SH2B1: variants seen among roughly 807,000 people sequenced by gnomAD.
SH2B1 encodes the protein SH2B adaptor protein 1, also known as SH2B adapter protein 1.
In SH2B1, 15 loss-of-function variants were observed where a neutral mutation model predicts 62.6. That is an observed-to-expected ratio of 0.24 (90% CI 0.16 to 0.37). SH2B1 has a LOEUF of 0.37. Ranked by LOEUF, SH2B1 falls within the 10% of genes least tolerant of loss-of-function variation. SH2B1 has a pLI of 1.00. For missense variants in SH2B1, 925 were observed against 1,015.6 expected (o/e 0.91, Z 1.21); for synonymous variants, 443 against 438.0 (o/e 1.01, Z -0.14).
chr16:28,860,085 C>A (rs1316244190), upstream of SH2B1, among the ~76,000 whole-genome samples: 2 of 152,024 alleles, frequency 1.3e-5, no homozygotes, highest in African/African-American at 2.4e-5. Context: ...TCTACTGATT[C>A]CTTTCCCCTT....
At chr16:28,852,323 TATA>T (rs1567458239) in intron 1 of SH2B1, among the ~76,000 whole-genome samples, 10 of 81,596 alleles carry the variant, frequency 1.2e-4, no homozygotes, top group African/African-American at 5.0e-4. Flanking sequence ...TTTACATATA[TATA>T]TTTACATATA....
At chr16:28,848,309 G>A (rs549124492) in intron 1 of SH2B1, among the ~76,000 whole-genome samples, 1 of 152,062 alleles carries the variant, frequency 6.6e-6, no homozygotes, top group African/African-American at 2.4e-5. Context: ...GTGGCAGTGT[G>A]CACCTGTAGT....
intron 2 of SH2B1, among the ~76,000 whole-genome samples, chr16:28,867,845 T>C (rs1159528578): frequency 6.6e-6 from 1 of 152,152 alleles, no homozygotes; most frequent in Non-Finnish European, 1.5e-5. Context: ...TTACTTACAT[T>C]TGAGATAGAG....
intron 4 of SH2B1, among the ~76,000 whole-genome samples, chr16:28,869,692 G>C (rs1022091376): frequency 6.6e-5 from 10 of 152,166 alleles, no homozygotes; most frequent in Non-Finnish European, 1.5e-4. Context: ...TTTTCTCCAA[G>C]CTTCTGGAAC....
Position 28,872,851 on chromosome 16 carries a change from C to A in SH2B1, c.1897+146C>A, listed in dbSNP as rs116553275. On this transcript the variant is annotated intron_variant, in intron 7 of 7. Transcript: ENST00000684370. The surrounding 1 kb of genome is among the most constrained non-coding windows in gnomAD (Gnocchi z 5.3). ...CAGGGTAGAGGAGGCTGTTGTGCCT[C>A]GGGGTTTGGAAGGGAAAGAAATGCG... is the stretch of plus-strand genomic sequence containing the variant. 2,208 of 1,123,208 alleles carry A rather than the reference C, an allele frequency of 2.0e-3. 30 individuals carry two copies. The African/African-American group carries it at 0.029, about 15-fold the overall frequency. 69.6% of individuals were successfully genotyped at this position (1,123,208 alleles called of 1,614,324 possible).
At chr16:28,848,316 T>C (rs141725580) in intron 1 of SH2B1, among the ~76,000 whole-genome samples, 349 of 152,094 alleles carry the variant, frequency 2.3e-3, no homozygotes, top group South Asian at 7.7e-3. Context: ...TGTGCACCTG[T>C]AGTACCAGCT....
upstream of SH2B1, among the ~76,000 whole-genome samples, chr16:28,861,463 C>T (rs1461599983): frequency 1.3e-5 from 2 of 150,242 alleles, no homozygotes; most frequent in African/African-American, 2.5e-5. Context: ...GACGGAGTCT[C>T]GCTCTGTCGC....
At chr16:28,846,915 A>C (rs1222557789) in intron 1 of SH2B1, 2 of 154,906 alleles carry the variant, frequency 1.3e-5, no homozygotes, top group Non-Finnish European at 2.9e-5. Context: ...AATCTGTAAA[A>C]TGGGAATAGT....
chr16:28,871,536 A>C (rs1389985284), intron 4 of SH2B1, among the ~76,000 whole-genome samples: 1 of 152,234 alleles, frequency 6.6e-6, no homozygotes, highest in Non-Finnish European at 1.5e-5. Context: ...GTTGATTCAG[A>C]AAAAGATGGA....
At chr16:28,869,119 G>T (rs376080955) in intron 3 of SH2B1, 22 bp downstream of exon 3, 2 of 1,613,506 alleles carry the variant, frequency 1.2e-6, no homozygotes, top group African/African-American at 2.7e-5. Context: ...GACTTCTGTC[G>T]CTAAGGGACA....
rs1567458739 is a variant in SH2B1, at chr16:28,852,527, TATAC to T, written c.-301+5702_-301+5705del. Among the ~76,000 whole-genome samples the T allele has an allele frequency of 7.0e-4, 36 of 51,330 alleles. 13 individuals carry two copies. In the East Asian group the frequency reaches 0.011, roughly 16 times the overall value. 33.7% of individuals were successfully genotyped at this position (51,330 alleles called of 152,430 possible). On this transcript the variant is annotated intron_variant, in intron 1 of 10. Coordinates refer to the SH2B1 transcript ENST00000322610. Reference sequence around the variant, plus strand: ...ATATATATACACATATATTTATATATATACACATATATTTATATATATACACATA... The same window carrying T: ...ATATATATACACATATATTTATATATACATATATTTATATATATACACATA...
At position 28,870,994 on chromosome 16, in the gene SH2B1, CGTGTGT is replaced by C. The variant is rs35079060; in HGVS notation, c.1310-753_1310-748del. ...GAGCCACTGTGTGCAGCCAGAATTC[CGTGTGT>C]GTGTGTGTGTGTGTGTGTGTGTGTG... On this transcript the variant is annotated intron_variant, in intron 4 of 7. Coordinates refer to ENST00000684370, the MANE Select transcript of SH2B1 (RefSeq NM_001387430.1). Among the ~76,000 whole-genome samples the C allele has an allele frequency of 3.1e-3, 434 of 141,526 alleles. 7 individuals carry two copies. The highest frequency in any genetic ancestry group is 9.6e-3 in the African/African-American group (369 of 38,278). The allele number at this position is 141,526 out of a possible 152,430, so 92.8% of individuals were successfully genotyped here. A position where few individuals can be genotyped will look rare whatever the true frequency, so the allele number is the denominator to read the frequency against.
At chr16:28,869,125 G>GGACATAGA (rs1225564172) in intron 3 of SH2B1, 28 bp downstream of exon 3, 1 of 1,613,314 alleles carries the variant, frequency 6.2e-7, no homozygotes, top group Non-Finnish European at 8.5e-7. Flanking sequence ...TGTCGCTAAG[G>GGACATAGA]GACATAGAGT....
At position 28,863,924 on chromosome 16, in the gene SH2B1, AACCTCGGGGACC is replaced by A; in HGVS notation, c.-2170_-2159del. 6.7e-7 allele frequency: 1 copy of A among 1,486,170 alleles called. No homozygotes were observed. The highest frequency in any genetic ancestry group is 8.9e-7 in the Non-Finnish European group (1 of 1,124,866). The allele number at this position is 1,486,170 out of a possible 1,614,324, so 92.1% of individuals were successfully genotyped here. A position where few individuals can be genotyped will look rare whatever the true frequency, so the allele number is the denominator to read the frequency against. On this transcript the variant is annotated 5_prime_UTR_variant, in exon 1 of 8. Transcript: ENST00000684370. ...CGCCGCCGCCGCCGCCGCCGGAGCT[AACCTCGGGGACC>A]GAGATGCAGGTGGGACCGGAACCGG...
intron 1 of SH2B1, among the ~76,000 whole-genome samples, chr16:28,848,342 G>A (rs1292604321): frequency 6.6e-6 from 1 of 152,082 alleles, no homozygotes; most frequent in East Asian, 1.9e-4. Context: ...GGAGGCTGAG[G>A]CAGGATAATT....
In SH2B1 at chr16:28,864,262, G is replaced by A. The variant is rs1962564383; in HGVS notation, c.-1833G>A. Reference sequence around the variant, plus strand: ...GGGAAATATCAGAACTGAGCCAGGAGGCAGGTGCACCGGGAAAATGTGTCT... The same window carrying A: ...GGGAAATATCAGAACTGAGCCAGGAAGCAGGTGCACCGGGAAAATGTGTCT... On this transcript the variant is annotated 5_prime_UTR_variant, in exon 1 of 8. Coordinates refer to ENST00000684370, the MANE Select transcript of SH2B1 (RefSeq NM_001387430.1). The A allele has an allele frequency of 9.9e-7, 1 of 1,005,320 alleles. No homozygotes were observed. The highest frequency in any genetic ancestry group is 1.7e-5 in the African/African-American group (1 of 57,408). The allele number at this position is 1,005,320 out of a possible 1,614,324, so 62.3% of individuals were successfully genotyped here.
At chr16:28,853,769 G>A (rs1269561215) in intron 1 of SH2B1, among the ~76,000 whole-genome samples, 2 of 151,332 alleles carry the variant, frequency 1.3e-5, no homozygotes, top group Non-Finnish European at 2.9e-5. Flanking sequence ...GGAGGCCAAG[G>A]CGGGCGGATC....
At chr16:28,848,668 C>CTTT (rs745489496) in intron 1 of SH2B1, among the ~76,000 whole-genome samples, 29 of 109,228 alleles carry the variant, frequency 2.7e-4, no homozygotes, top group African/African-American at 9.5e-4. Flanking sequence ...CCGCACTGTC[C>CTTT]TTTTTTTTTT....
chr16:28,854,620 G>A (rs1962280476), intron 1 of SH2B1, among the ~76,000 whole-genome samples: 1 of 152,112 alleles, frequency 6.6e-6, no homozygotes, highest in Non-Finnish European at 1.5e-5. Context: ...GCTGGGCATG[G>A]TAGTGCACCC....
Sources: allele counts gnomAD v4.1 joint callset (sites outside exome capture counted in the v4.1 genomes callset), GRCh38; gene constraint gnomAD v4.1.1; non-coding constraint Gnocchi (gnomAD v3.1); transcripts MANE v1.5; gene names NCBI Gene and HGNC (gene_info 2026-07-23, HGNC 2026-07-21).